Variants in SRP19 observed in about 807,000 individuals in gnomAD.
SRP19 encodes signal recognition particle 19.
A neutral mutation model predicts 22.4 loss-of-function variants in SRP19; 11 were observed. That is an observed-to-expected ratio of 0.49 (90% CI 0.31 to 0.81). The LOEUF is 0.81. SRP19 is among the 40% of genes least tolerant of loss of function. The probability of loss-of-function intolerance (pLI) is 0.05; values close to 1 mark genes in which losing one functional copy is unlikely to be tolerated. For synonymous variants in SRP19, 61 were observed against 57.6 expected, an observed-to-expected ratio of 1.06 and a Z score of -0.27; for missense variants, 168 against 175.9, an observed-to-expected ratio of 0.96 and a Z score of 0.25.
chr5:112,882,920 C>T (rs1580728792), intron 4 of SRP19, among the ~76,000 whole-genome samples: 1 of 152,182 alleles, frequency 6.6e-6, no homozygotes, highest in East Asian at 1.9e-4. Context: ...CCCATAGTCA[C>T]ATGTGCTCAC....
At chr5:112,892,611 A>G (rs1768513942) in exon 5 of SRP19, 3 of 1,614,202 alleles carry the variant, frequency 1.9e-6, no homozygotes, top group African/African-American at 1.3e-5. Context: ...AAATACAACA[A>G]TGTCCAAGAG....
chr5:112,867,308 G>C (rs866414261), intron 4 of SRP19, 96 bp from the exon 5 acceptor site: 3 of 1,385,566 alleles, frequency 2.2e-6, no homozygotes, highest in Middle Eastern at 3.8e-4. Flanking sequence ...CCATTTTCTT[G>C]ATGTGATAGT....
chr5:112,892,297 A>T (rs199946572), exon 5 of SRP19: 701 of 1,614,000 alleles, frequency 4.3e-4, no homozygotes, highest in Middle Eastern at 3.9e-3. Context: ...GGAGCAGTGC[A>T]GGAGGGATGA....
At chr5:112,864,156 A>G (rs60101524) in intron 2 of SRP19, among the ~76,000 whole-genome samples, 2,245 of 152,308 alleles carry the variant, frequency 0.015, 58 homozygotes, top group African/African-American at 0.052. Flanking sequence ...GTCAATAATC[A>G]TTGAGCACCT....
At chr5:112,866,327 G>A (rs1465639811) in intron 4 of SRP19, among the ~76,000 whole-genome samples, 1 of 151,886 alleles carries the variant, frequency 6.6e-6, no homozygotes, top group African/African-American at 2.4e-5. Context: ...TCTTGGTCAG[G>A]CTGGTCTCGA....
In SRP19 at chr5:112,861,316, C is replaced by CCTCCCGGGTTTCTGCCGGGTTT. The variant is rs1158996631; in HGVS notation, c.-55_-34dup. The CCTCCCGGGTTTCTGCCGGGTTT allele has an allele frequency of 7.5e-6, 12 of 1,595,012 alleles. No homozygotes were observed. Among genetic ancestry groups the CCTCCCGGGTTTCTGCCGGGTTT allele is most frequent in the Middle Eastern group, 1.7e-4 (1 of 5,978 alleles). ...TGTCTCGGAAACTCAGAGCCGGGTTCCTCCCGGGTTTCTGCCGGGTTTCTC... is the reference window on the plus strand; with the variant it reads ...TGTCTCGGAAACTCAGAGCCGGGTTCCTCCCGGGTTTCTGCCGGGTTTCTCCCGGGTTTCTGCCGGGTTTCTC... On this transcript the variant is annotated 5_prime_UTR_variant, in exon 1 of 5. Transcript: ENST00000505459.
At chr5:112,866,223 T>G (rs1767600822) in intron 4 of SRP19, among the ~76,000 whole-genome samples, 1 of 151,912 alleles carries the variant, frequency 6.6e-6, no homozygotes, top group South Asian at 2.1e-4. Context: ...TTCAAGTGAT[T>G]CTCCTGCCTC....
chr5:112,886,950 G>T, intron 4 of SRP19: 1 of 1,246,282 alleles, frequency 8.0e-7, no homozygotes, highest in Non-Finnish European at 1.1e-6. Flanking sequence ...CAGGAAGCCT[G>T]TTATTTGAGC....
chr5:112,871,847 A>C (rs1384323113), downstream of SRP19, among the ~76,000 whole-genome samples: 1 of 152,164 alleles, frequency 6.6e-6, no homozygotes, highest in Non-Finnish European at 1.5e-5. Context: ...TTGGGACTAG[A>C]GGTACATGGC....
intron 4 of SRP19, chr5:112,885,578 G>A: frequency 3.9e-6 from 1 of 257,212 alleles, no homozygotes. Context: ...ATCCTGTTGG[G>A]CATTCTGGAC....
intron 4 of SRP19, among the ~76,000 whole-genome samples, chr5:112,883,106 G>A (rs192117605): frequency 1.3e-4 from 20 of 152,274 alleles, no homozygotes; most frequent in African/African-American, 4.8e-4. Flanking sequence ...TTTTCAAACA[G>A]GCTTTGTTTC....
chr5:112,877,272 ATTG>A (rs1187135808), intron 4 of SRP19: 17 of 152,132 alleles, frequency 1.1e-4, no homozygotes, highest in African/African-American at 3.9e-4. Context: ...ATCTTACCTG[ATTG>A]TTATCTCAAG....
chr5:112,897,163 CAT>C (rs1304459542), downstream of SRP19: 4 of 151,990 alleles, frequency 2.6e-5, no homozygotes, highest in African/African-American at 9.7e-5. Flanking sequence ...AATTATATAT[CAT>C]ATGTGATCTA....
exon 5 of SRP19, chr5:112,892,859 A>T (rs1249492736): frequency 1.2e-6 from 2 of 1,613,448 alleles, no homozygotes; most frequent in African/African-American, 2.7e-5. Context: ...AAGAGTAGTC[A>T]TAGGGGGAAG....
Position 112,882,075 on chromosome 5 carries a change from ACTC to A in SRP19, c.302-9525_302-9523del, listed in dbSNP as rs140521662. ...GTGTGAGCACTGCACCTGACCTACT[ACTC>A]CTATTTTAATTATTGATGATTTTAA... On this transcript the variant is annotated intron_variant, in intron 4 of 4. Transcript: ENST00000391338. 613 of 152,958 alleles carry A rather than the reference ACTC, an allele frequency of 4.0e-3. 4 individuals carry two copies. The highest frequency in any genetic ancestry group is 0.014 in the African/African-American group (573 of 41,204). 9.5% of individuals were successfully genotyped at this position (152,958 alleles called of 1,614,324 possible).
At chr5:112,897,736 A>G (rs1768733751), downstream of SRP19, 1 of 152,160 alleles carries the variant, frequency 6.6e-6, no homozygotes, top group South Asian at 2.1e-4. Flanking sequence ...AAAGCCAACA[A>G]TATTAACTCT....
intron 1 of SRP19, 59 bp downstream of exon 1, chr5:112,861,476 G>T: frequency 6.4e-7 from 1 of 1,558,948 alleles, no homozygotes; most frequent in Non-Finnish European, 8.7e-7. Context: ...TGCTGCAGGT[G>T]CTACACCGCG....
chr5:112,864,802 A>G lies in SRP19; in HGVS notation c.301+70A>G, dbSNP rs1767537229. 7 of 1,231,890 alleles carry G rather than the reference A, an allele frequency of 5.7e-6. No individual in the cohort carries two copies. The Admixed American group carries it at 1.3e-4, about 24-fold the overall frequency. The allele number at this position is 1,231,890 out of a possible 1,614,324, so 76.3% of individuals were successfully genotyped here. A position where few individuals can be genotyped will look rare whatever the true frequency, so the allele number is the denominator to read the frequency against. Reference sequence around the variant, plus strand: ...TCCTACACAACACAAAAAAGGTTCTAAAACTGAAAGGTAAAAGTCAGAATT... The same window carrying G: ...TCCTACACAACACAAAAAAGGTTCTGAAACTGAAAGGTAAAAGTCAGAATT... On this transcript the variant is annotated intron_variant, in intron 4 of 4. Coordinates refer to ENST00000505459, the MANE Select transcript of SRP19 (RefSeq NM_003135.3).
rs1013267636 is a variant in SRP19 at position 112,867,826 on chromosome 5, G to C, written c.*289G>C. 1.9e-6 allele frequency: 2 copies of C among 1,075,060 alleles called. No homozygotes were observed. Among genetic ancestry groups the C allele is most frequent in the African/African-American group, 3.3e-5 (2 of 60,864 alleles). The allele number at this position is 1,075,060 out of a possible 1,614,324, so 66.6% of individuals were successfully genotyped here. The stretch of plus-strand genomic sequence containing the variant: ...CTGTACAATAAGTTACTTGAAATAA[G>C]TTGTTTCAGATAAATTTCAATTAGA... On this transcript the variant is annotated 3_prime_UTR_variant, in exon 5 of 5. Transcript: ENST00000505459.
Sources: allele counts gnomAD v4.1 joint callset (sites outside exome capture counted in the v4.1 genomes callset), GRCh38; gene constraint gnomAD v4.1.1; transcripts MANE v1.5; gene names NCBI Gene and HGNC (gene_info 2026-07-23, HGNC 2026-07-21).